Variants in COL22A1 observed in about 807,000 individuals in gnomAD.
COL22A1 encodes collagen alpha-1(XXII) chain.
In COL22A1, 221 loss-of-function variants were observed where a neutral mutation model predicts 248.9. That is an observed-to-expected ratio of 0.89 (90% confidence interval 0.80 to 0.99). The LOEUF (loss-of-function observed/expected upper bound fraction) is 0.99, where lower values mean the gene tolerates loss of function less well. Ranked by LOEUF, COL22A1 falls within the 50% of genes least tolerant of loss-of-function variation. The pLI, the probability that COL22A1 is intolerant of heterozygous loss-of-function variation, is 0.00. For missense variants in COL22A1, 2,240 were observed against 2,179.0 expected, an observed-to-expected ratio of 1.03 and a Z score of -0.56; for synonymous variants, 891 against 793.4, an observed-to-expected ratio of 1.12 and a Z score of -2.07.
chr8:138,686,635 C>T (rs1826377909), intron 37 of COL22A1, among the ~76,000 whole-genome samples: 1 of 152,128 alleles, frequency 6.6e-6, no homozygotes. Context: ...CTTTCCAAAT[C>T]CCGGGCCCGG....
chr8:138,763,432 A>C (rs1419086349), intron 16 of COL22A1, among the ~76,000 whole-genome samples: 1 of 152,014 alleles, frequency 6.6e-6, no homozygotes, highest in Non-Finnish European at 1.5e-5. Context: ...AAGTCCACTG[A>C]AAACCTTCCT....
At position 138,865,183 on chromosome 8, in the gene COL22A1, T is replaced by A. The variant is rs527401846; in HGVS notation, c.658+12567A>T. Among the ~76,000 whole-genome samples, 69 of 152,032 alleles carry A rather than the reference T, an allele frequency of 4.5e-4. 1 individual carries two copies. The East Asian group carries it at 0.012, about 26-fold the overall frequency. ...AATGCAGACAGAGTTTTAACAGAGT[T>A]TTTTTTTTCTGGGCAAGTACACGTA... On this transcript the variant is annotated intron_variant, in intron 3 of 64. Transcript: ENST00000303045.
At chr8:138,716,440 G>A (rs955866968) in intron 28 of COL22A1, 151 bp from the exon 29 acceptor site, 35 of 627,144 alleles carry the variant, frequency 5.6e-5, no homozygotes, top group East Asian at 2.8e-5. Context: ...TGGAGAAAGC[G>A]GAATTCTAGA....
chr8:138,604,670 CCTGCATAGA>C, intron 59 of COL22A1, 55 bp downstream of exon 59: 1 of 1,424,840 alleles, frequency 7.0e-7, no homozygotes, highest in East Asian at 2.3e-5. Context: ...AGGGCCTGAG[CCTGCATAGA>C]CTGCCCATTG....
intron 2 of COL22A1, among the ~76,000 whole-genome samples, chr8:138,882,730 T>A (rs1186872106): frequency 6.8e-6 from 1 of 147,484 alleles, no homozygotes; most frequent in African/African-American, 2.5e-5. Flanking sequence ...ACTCCCCCAC[T>A]CTTCCTCAAA....
chr8:138,700,046 G>T (rs1173651659), intron 32 of COL22A1, 66 bp downstream of exon 32: 1 of 1,495,308 alleles, frequency 6.7e-7, no homozygotes, highest in East Asian at 2.3e-5. Flanking sequence ...AGGCTCCCAG[G>T]CCACACTGGA....
At chr8:138,767,124 A>C (rs1833969410) in intron 16 of COL22A1, among the ~76,000 whole-genome samples, 1 of 152,248 alleles carries the variant, frequency 6.6e-6, no homozygotes, top group African/African-American at 2.4e-5. Flanking sequence ...CATAATATTA[A>C]TACTTACCCA....
At chr8:138,589,498 G>GATCTTGAACTCACA in intron 64 of COL22A1, 58 bp from the exon 65 acceptor site, 1 of 1,334,572 alleles carries the variant, frequency 7.5e-7, no homozygotes, top group Non-Finnish European at 1.0e-6. Context: ...GGAGGGGATG[G>GATCTTGAACTCACA]GCCCTGAACT....
intron 3 of COL22A1, among the ~76,000 whole-genome samples, chr8:138,848,917 A>G (rs533032863): frequency 4.6e-5 from 7 of 152,322 alleles, no homozygotes; most frequent in African/African-American, 1.7e-4. Context: ...GATACCAGAC[A>G]GGAAGCAATC....
At chr8:138,766,849 C>G (rs533052690) in intron 16 of COL22A1, among the ~76,000 whole-genome samples, 2 of 152,344 alleles carry the variant, frequency 1.3e-5, no homozygotes, top group Admixed American at 6.5e-5. Context: ...CACCCATGCC[C>G]CCCTGCAGGC....
chr8:138,669,326 C>T (rs1350106317), intron 41 of COL22A1, among the ~76,000 whole-genome samples: 1 of 152,124 alleles, frequency 6.6e-6, no homozygotes, highest in Admixed American at 6.5e-5. Context: ...CGGCCACGGC[C>T]GTGGGGTCTG....
At chr8:138,880,357 C>T (rs927921903) in intron 2 of COL22A1, among the ~76,000 whole-genome samples, 1 of 152,106 alleles carries the variant, frequency 6.6e-6, no homozygotes, top group African/African-American at 2.4e-5. Context: ...TGTGCACGCG[C>T]GATTGTGTAT....
intron 1 of COL22A1, among the ~76,000 whole-genome samples, chr8:138,889,516 G>C (rs1824899555): frequency 1.3e-5 from 2 of 151,966 alleles, no homozygotes; most frequent in Admixed American, 1.3e-4. Flanking sequence ...TGAACAATGA[G>C]AACACATGGA....
chr8:138,799,664 C>A (rs1192640678), intron 11 of COL22A1, among the ~76,000 whole-genome samples: 1 of 152,188 alleles, frequency 6.6e-6, no homozygotes, highest in Non-Finnish European at 1.5e-5. Context: ...CTCGGTCAAA[C>A]TGTCTGCCTC....
chr8:138,640,319 G>A (rs976552092), intron 47 of COL22A1, among the ~76,000 whole-genome samples: 1 of 152,108 alleles, frequency 6.6e-6, no homozygotes, highest in African/African-American at 2.4e-5. Context: ...CTCTAAGAGT[G>A]CTGTCCTTCA....
intron 17 of COL22A1, among the ~76,000 whole-genome samples, chr8:138,761,027 A>G (rs1006804023): frequency 6.6e-6 from 1 of 152,130 alleles, no homozygotes; most frequent in African/African-American, 2.4e-5. Flanking sequence ...AAAAGATCCT[A>G]AGGACATAGA....
chr8:138,747,631 C>G (rs1453809820), intron 22 of COL22A1, among the ~76,000 whole-genome samples: 1 of 152,178 alleles, frequency 6.6e-6, no homozygotes, highest in Non-Finnish European at 1.5e-5. Flanking sequence ...TGGGGCCTTC[C>G]TGCATCACCT....
intron 22 of COL22A1, among the ~76,000 whole-genome samples, chr8:138,751,083 A>G (rs1832557870): frequency 1.3e-5 from 2 of 152,224 alleles, no homozygotes; most frequent in Non-Finnish European, 1.5e-5. Flanking sequence ...AATTAAATTA[A>G]TTAAATACCA....
chr8:138,902,733 T>TAC (rs1814690510), intron 1 of COL22A1, among the ~76,000 whole-genome samples: 2 of 91,620 alleles, frequency 2.2e-5, no homozygotes, highest in South Asian at 3.9e-4. Context: ...TAAATATATA[T>TAC]ATATATACAC....
Sources: allele counts gnomAD v4.1 joint callset (sites outside exome capture counted in the v4.1 genomes callset), GRCh38; gene constraint gnomAD v4.1.1; transcripts MANE v1.5; gene names NCBI Gene and HGNC (gene_info 2026-07-23, HGNC 2026-07-21).